The following MYH14 variants were observed in gnomAD, a reference collection of about 807,000 sequenced individuals.
MYH14 encodes the protein myosin heavy chain 14, also known as myosin-14.
A neutral mutation model predicts 255.5 loss-of-function variants in MYH14; 123 were observed. The observed-to-expected ratio is 0.48, with a 90% CI of 0.42 to 0.56. The LOEUF is 0.56. Among genes scored for constraint, MYH14 ranks in the 20% least tolerant of loss-of-function variants. MYH14 has a pLI of 0.00. For synonymous variants in MYH14, 1,095 were observed against 1,161.2 expected (o/e 0.94, Z 1.16); for missense variants, 2,423 against 2,802.3 (o/e 0.86, Z 3.06).
At chr19:50,235,671 C>T (rs1309200416) in intron 10 of MYH14, among the ~76,000 whole-genome samples, 1 of 151,732 alleles carries the variant, frequency 6.6e-6, no homozygotes, top group Non-Finnish European at 1.5e-5. Flanking sequence ...ATCTGTAGTC[C>T]CAGCTACTTG....
rs767335711 is a variant in MYH14, at chr19:50,292,379, G to A, written c.5246G>A (p.Arg1749Gln). The change falls in exon 37 of 43, where the codon CGG becomes CAG. Residue 1749 changes from arginine (R) to glutamine (Q), a missense_variant. Coordinates refer to ENST00000642316, the MANE Select transcript of MYH14 (RefSeq NM_001145809.2). ...RLKGLEAEVL[R>Q]LQEELAASDR... The stretch of plus-strand genomic sequence containing the variant: ...AAGGGCCTGGAGGCTGAGGTGCTGC[G>A]GCTGCAGGAGGTGAGGCTGGGGTAG... 28 of 1,582,748 alleles carry A rather than the reference G, an allele frequency of 1.8e-5. No homozygotes were observed. The Middle Eastern group carries it at 6.7e-4, about 38-fold the overall frequency.
In MYH14 at chr19:50,293,335, G is replaced by C. The variant is rs1293823499; in HGVS notation, c.5345+14G>C. 1 of 1,586,984 alleles carries C rather than the reference G, an allele frequency of 6.3e-7. No individual in the cohort carries two copies. The highest frequency in any genetic ancestry group is 8.6e-7 in the Non-Finnish European group (1 of 1,165,504). On this transcript the variant is annotated intron_variant, in intron 38 of 42. Coordinates refer to ENST00000642316, the MANE Select transcript of MYH14 (RefSeq NM_001145809.2). This position sits in a 1 kb window ranked among gnomAD's most constrained non-coding sequence, Gnocchi z 4.1. ...TAACCTTAGCAAGTAAGTGCCCCAA[G>C]GGTCTGAAGGCTGAGGTACTGCGTC...
chr19:50,216,869 G>A (rs62112640), intron 2 of MYH14, among the ~76,000 whole-genome samples: 74,806 of 145,366 alleles, frequency 0.51, 21,646 homozygotes, highest in Non-Finnish European at 0.64. Context: ...GTGCAGTGGC[G>A]CAATCTTGGC....
chr19:50,235,342 C>T (rs1433569814), intron 10 of MYH14, among the ~76,000 whole-genome samples: 8 of 148,688 alleles, frequency 5.4e-5, no homozygotes, highest in Non-Finnish European at 3.0e-5. Context: ...TGGAGCAGAG[C>T]GAGACTCCAT....
In MYH14 at chr19:50,249,019, C is replaced by CA; in HGVS notation, c.1363dup (p.Thr455AsnfsTer37). The CA allele has an allele frequency of 6.2e-7, 1 of 1,613,654 alleles. No individual in the cohort carries two copies. The highest frequency in any genetic ancestry group is 8.5e-7 in the Non-Finnish European group (1 of 1,179,792). The stretch of plus-strand genomic sequence containing the variant: ...TCGCGCTGGAGGCCCTGGCCAAGGC[C>CA]ACCTACGAGCGCCTCTTCCGCTGGC... On this transcript the variant is annotated frameshift_variant, in exon 13 of 43. Coordinates refer to ENST00000642316, the MANE Select transcript of MYH14 (RefSeq NM_001145809.2). LOFTEE classifies it high-confidence loss of function.
chr19:50,257,089 G>T (rs186821469), intron 17 of MYH14, among the ~76,000 whole-genome samples: 7 of 152,332 alleles, frequency 4.6e-5, no homozygotes, highest in African/African-American at 7.2e-5. Context: ...CAGTTTCTAA[G>T]CTGTGTGACC....
chr19:50,272,469 TTA>T (rs1233893595), intron 26 of MYH14, 89 bp from the exon 27 acceptor site: 1 of 1,370,312 alleles, frequency 7.3e-7, no homozygotes, highest in African/African-American at 1.4e-5. Context: ...GAGCTTAGCC[TTA>T]TATGTGACTG....
chr19:50,254,630 C>T (rs1465068838), intron 16 of MYH14, among the ~76,000 whole-genome samples: 1 of 152,218 alleles, frequency 6.6e-6, no homozygotes, highest in African/African-American at 2.4e-5. Context: ...CATAATGTCA[C>T]TTCCTCCATA....
At chr19:50,258,763 A>G in intron 18 of MYH14, 1 of 173,816 alleles carries the variant, frequency 5.8e-6, no homozygotes, top group Non-Finnish European at 1.2e-5. Context: ...CAAACAAACA[A>G]AAACCAAAAA....
At chr19:50,303,422 G>T (rs2036558312) in intron 40 of MYH14, among the ~76,000 whole-genome samples, 1 of 152,152 alleles carries the variant, frequency 6.6e-6, no homozygotes, top group Non-Finnish European at 1.5e-5. Flanking sequence ...AAGAGCAAGG[G>T]AAAGTGCTAA....
rs543303460 is a variant in MYH14, at chr19:50,280,496, T to C, written c.4290+113T>C. 60 of 1,177,024 alleles carry C rather than the reference T, an allele frequency of 5.1e-5. 1 individual carries two copies. The Middle Eastern group carries it at 8.8e-4, about 17-fold the overall frequency. 72.9% of individuals were successfully genotyped at this position (1,177,024 alleles called of 1,614,324 possible). ...CCCACCTTCTCATAGGCCAGACCCA[T>C]GGGTGCCTTTCTCATCTCTGACTCC... is the stretch of plus-strand genomic sequence containing the variant. On this transcript the variant is annotated intron_variant, in intron 32 of 42. Transcript: ENST00000642316. The surrounding 1 kb of genome is among the most constrained non-coding windows in gnomAD (Gnocchi z 4.8).
Position 50,271,477 on chromosome 19 carries a change from A to G in MYH14, c.3102A>G (p.Thr1034=), listed in dbSNP as rs750763569. The change falls in exon 25 of 43, where the codon ACA becomes ACG. Residue 1034 remains threonine (T), a synonymous_variant. Transcript: ENST00000642316. ...RQKLQLEKVT[T]EAKMKKFEED... is the part of the protein sequence containing the mutation. ...AGCTGCAGCTGGAGAAGGTGACGAC[A>G]GAGGCAAAAATGAAGAAATTTGAAG... The G allele has an allele frequency of 1.2e-6, 2 of 1,608,506 alleles. No individual in the cohort carries two copies. Among genetic ancestry groups the G allele is most frequent in the East Asian group, 4.5e-5 (2 of 44,734 alleles).
At chr19:50,259,578 C>T (rs559976586) in intron 19 of MYH14, among the ~76,000 whole-genome samples, 1 of 152,314 alleles carries the variant, frequency 6.6e-6, no homozygotes, top group East Asian at 1.9e-4. Flanking sequence ...ATCTGCATGT[C>T]TTTAAAAATG....
chr19:50,309,393 T>G, intron 42 of MYH14: 1 of 620,558 alleles, frequency 1.6e-6, no homozygotes, highest in Middle Eastern at 4.2e-4. Flanking sequence ...TGCCCTCCTT[T>G]CCCACCGTGC....
rs923252706 is a variant in MYH14, at chr19:50,294,266, G to T, written c.5469+579G>T. Among the ~76,000 whole-genome samples, 4 of 151,966 alleles carry T rather than the reference G, an allele frequency of 2.6e-5. No homozygotes were observed. In the South Asian group the frequency reaches 8.3e-4, roughly 32 times the overall value. ...CACGGGCACTGTGGGAACCTAGAAG[G>T]GACTACCAACCTAGCCTGGAGGATA... On this transcript the variant is annotated intron_variant, in intron 39 of 42. Transcript: ENST00000642316.
intron 6 of MYH14, among the ~76,000 whole-genome samples, chr19:50,225,107 T>C (rs1259190167): frequency 6.6e-6 from 1 of 152,178 alleles, no homozygotes; most frequent in Non-Finnish European, 1.5e-5. Context: ...TGAGTACATA[T>C]TCATTGTAAC....
Position 50,203,744 on chromosome 19 carries a change from G to A in MYH14, c.-4+73G>A, listed in dbSNP as rs561272418. On this transcript the variant is annotated intron_variant, in intron 1 of 42. Coordinates refer to ENST00000642316, the MANE Select transcript of MYH14 (RefSeq NM_001145809.2). Reference sequence around the variant, plus strand: ...GAGCCAGGGGAAGCTGGAGCCTGGGGGCTGCGATCGGGGCCCGGGAGCCCG... The same window carrying A: ...GAGCCAGGGGAAGCTGGAGCCTGGGAGCTGCGATCGGGGCCCGGGAGCCCG... The A allele has an allele frequency of 6.7e-3, 1,018 of 152,484 alleles. 5 individuals are homozygous for A. Among genetic ancestry groups the A allele is most frequent in the Non-Finnish European group, 8.9e-3 (605 of 68,202 alleles). 9.4% of individuals were successfully genotyped at this position (152,484 alleles called of 1,614,324 possible).
chr19:50,220,066 A>G (rs191534017), intron 3 of MYH14, among the ~76,000 whole-genome samples: 353 of 152,114 alleles, frequency 2.3e-3, no homozygotes, highest in Admixed American at 3.8e-3. Context: ...TTTGTTAAAA[A>G]AGGAAAAACC....
intron 8 of MYH14, 85 bp downstream of exon 8, chr19:50,227,051 A>AGGTAAG: frequency 8.9e-7 from 1 of 1,126,486 alleles, no homozygotes; most frequent in Non-Finnish European, 1.2e-6. Context: ...CTCCCACTGC[A>AGGTAAG]GGGACCCCTT....
Sources: gnomAD v4.1 joint callset for allele counts (sites outside exome capture counted in the v4.1 genomes callset) on GRCh38, gnomAD v4.1.1 for gene constraint, Gnocchi (gnomAD v3.1) non-coding constraint, MANE v1.5 for transcripts, NCBI Gene and HGNC (gene_info 2026-07-23, HGNC 2026-07-21) for gene names.